The following NINL variants were observed in gnomAD, a reference collection of about 807,000 sequenced individuals.
NINL encodes the protein ninein like.
Under a neutral mutation model 160.3 loss-of-function variants are expected in NINL, and 153 were observed. The observed-to-expected ratio is 0.95, with a 90% CI of 0.84 to 1.09. NINL has a LOEUF of 1.09. Among genes scored for constraint, NINL ranks in the 50% least tolerant of loss-of-function variants. The pLI is 0.00. For synonymous variants in NINL, 800 were observed against 734.8 expected, an observed-to-expected ratio of 1.09 and a Z score of -1.43; for missense variants, 1,829 against 1,764.0, an observed-to-expected ratio of 1.04 and a Z score of -0.66.
At chr20:25,507,907 A>T (rs2063993485) in intron 5 of NINL, among the ~76,000 whole-genome samples, 1 of 152,176 alleles carries the variant, frequency 6.6e-6, no homozygotes, top group Non-Finnish European at 1.5e-5. Context: ...GCTTGACACG[A>T]GTGTGTGTGC....
intron 1 of NINL, among the ~76,000 whole-genome samples, chr20:25,543,224 A>G (rs1173254895): frequency 2.0e-5 from 3 of 152,138 alleles, no homozygotes; most frequent in Non-Finnish European, 2.9e-5. Flanking sequence ...AAGTGAATTC[A>G]GCAAAATTGC....
At position 25,470,049 on chromosome 20, in the gene NINL, C is replaced by A; in HGVS notation, c.3295G>T (p.Asp1099Tyr). The A allele has an allele frequency of 6.2e-7, 1 of 1,614,150 alleles. No homozygotes were observed. ...LSEENTLLKNDLGRVRQELEA... is the reference protein window; with the variant it reads ...LSEENTLLKNYLGRVRQELEA... ...AGCTCTTGCCGAACCCTTCCCAGAT[C>A]GTTTTTCAACAAAGTGTTTTCTTCA... is the stretch of plus-strand genomic sequence containing the variant. The change falls in exon 18 of 24, where the codon GAT becomes TAT. Residue 1099 changes from aspartate (D) to tyrosine (Y), a missense_variant. Coordinates refer to ENST00000278886, the MANE Select transcript of NINL (RefSeq NM_025176.6).
At chr20:25,478,816 C>T (rs1319406151) in intron 16 of NINL, 107 bp downstream of exon 16, 1 of 1,345,022 alleles carries the variant, frequency 7.4e-7, no homozygotes, top group Non-Finnish European at 1.0e-6. Context: ...GGAAAACCAC[C>T]CAGTCGGGAG....
chr20:25,573,297 CAA>C (rs960087203), intron 1 of NINL, among the ~76,000 whole-genome samples: 3 of 51,564 alleles, frequency 5.8e-5, no homozygotes, highest in Admixed American at 2.8e-4. Flanking sequence ...AACTCCATCT[CAA>C]AAAAAAAAAA....
At chr20:25,568,718 T>G (rs1329500629) in intron 1 of NINL, among the ~76,000 whole-genome samples, 2 of 151,720 alleles carry the variant, frequency 1.3e-5, no homozygotes, top group Non-Finnish European at 2.9e-5. Context: ...GCCACCAATT[T>G]CTTAAAAACC....
At chr20:25,470,781 G>A (rs923180950) in intron 17 of NINL, among the ~76,000 whole-genome samples, 13 of 152,138 alleles carry the variant, frequency 8.5e-5, no homozygotes, top group Non-Finnish European at 1.6e-4. Context: ...GACTGCTTGA[G>A]CCCAGGAGTT....
At chr20:25,555,301 T>C (rs1442660276) in intron 1 of NINL, among the ~76,000 whole-genome samples, 2 of 152,158 alleles carry the variant, frequency 1.3e-5, no homozygotes, top group Admixed American at 6.5e-5. Flanking sequence ...AAGCAGCCCA[T>C]GCCACACACA....
At chr20:25,508,787 A>C in intron 5 of NINL, among the ~76,000 whole-genome samples, 1 of 152,156 alleles carries the variant, frequency 6.6e-6, no homozygotes, top group East Asian at 1.9e-4. Context: ...CTGCCTCCTC[A>C]AAGGCCATGG....
chr20:25,530,625 A>G (rs2064440874), intron 1 of NINL, among the ~76,000 whole-genome samples: 1 of 152,126 alleles, frequency 6.6e-6, no homozygotes. Flanking sequence ...CAGAGTACAA[A>G]AGAGAGAAAT....
intron 21 of NINL, among the ~76,000 whole-genome samples, chr20:25,461,256 G>A (rs964663980): frequency 5.3e-5 from 8 of 152,206 alleles, no homozygotes; most frequent in Non-Finnish European, 1.0e-4. Flanking sequence ...CCTCCATTCT[G>A]TGGAGGGCTC....
chr20:25,457,587 A>G (rs1200946904), intron 22 of NINL, among the ~76,000 whole-genome samples: 3 of 125,406 alleles, frequency 2.4e-5, no homozygotes, highest in Admixed American at 7.7e-5. Flanking sequence ...GTTGTTCTTC[A>G]TTAGAACTTA....
At position 25,511,623 on chromosome 20, in the gene NINL, T is replaced by A. The variant is rs564454404; in HGVS notation, c.451-883A>T. On this transcript the variant is annotated intron_variant, in intron 4 of 23. Coordinates refer to ENST00000278886, the MANE Select transcript of NINL (RefSeq NM_025176.6). The stretch of plus-strand genomic sequence containing the variant: ...AAAGGCGGCTTTCCCCGTGTTCAGG[T>A]TTTGAGAATCAAAGATGATTTAAGA... Among the ~76,000 whole-genome samples the A allele has an allele frequency of 3.9e-5, 6 of 152,230 alleles. No individual in the cohort carries two copies. In the South Asian group the frequency reaches 1.2e-3, roughly 32 times the overall value.
At chr20:25,500,613 CTAACTT>C (rs1306392760) in intron 8 of NINL, among the ~76,000 whole-genome samples, 1 of 152,254 alleles carries the variant, frequency 6.6e-6, no homozygotes, top group African/African-American at 2.4e-5. Context: ...CTTTTTCACA[CTAACTT>C]TGTGTTTTAT....
At chr20:25,551,717 A>G (rs2064809189) in intron 1 of NINL, among the ~76,000 whole-genome samples, 2 of 152,204 alleles carry the variant, frequency 1.3e-5, no homozygotes, top group African/African-American at 4.8e-5. Context: ...TATATCAGAT[A>G]AGGTAAATCT....
At chr20:25,564,206 G>A (rs1440541409) in intron 1 of NINL, among the ~76,000 whole-genome samples, 1 of 149,940 alleles carries the variant, frequency 6.7e-6, no homozygotes, top group African/African-American at 2.5e-5. Flanking sequence ...CTGGAGTGCA[G>A]TGGTGCAATA....
chr20:25,555,810 G>C (rs972568701), intron 1 of NINL, among the ~76,000 whole-genome samples: 2 of 152,124 alleles, frequency 1.3e-5, no homozygotes, highest in African/African-American at 4.8e-5. Context: ...AAGTACGTAG[G>C]ATTACAGGCA....
chr20:25,562,556 C>T (rs1200196094), intron 1 of NINL, among the ~76,000 whole-genome samples: 5 of 124,186 alleles, frequency 4.0e-5, no homozygotes, highest in Non-Finnish European at 6.7e-5. Context: ...GGATTAAGGG[C>T]GGTGCTAGAT....
At chr20:25,493,249 G>A (rs887741662) in intron 10 of NINL, among the ~76,000 whole-genome samples, 1 of 152,172 alleles carries the variant, frequency 6.6e-6, no homozygotes, top group Admixed American at 6.5e-5. Flanking sequence ...GAGCACTCTT[G>A]TCTAGGGGCC....
chr20:25,499,309 G>A (rs2063821617), intron 8 of NINL: 1 of 874,656 alleles, frequency 1.1e-6, no homozygotes, highest in Non-Finnish European at 1.4e-6. Flanking sequence ...GGTCAGAAAT[G>A]CTGACTGAGT....
Sources: gnomAD v4.1 joint callset for allele counts (sites outside exome capture counted in the v4.1 genomes callset) on GRCh38, gnomAD v4.1.1 for gene constraint, MANE v1.5 for transcripts, NCBI Gene and HGNC (gene_info 2026-07-23, HGNC 2026-07-21) for gene names.